The following RUFY4 variants were observed in gnomAD, a reference collection of about 807,000 sequenced individuals.
RUFY4 encodes RUN and FYVE domain containing 4.
A neutral mutation model predicts 69.0 loss-of-function variants in RUFY4; 73 were observed. The ratio of observed to expected loss-of-function variants is 1.06; its 90% confidence interval spans 0.88 to 1.29. The LOEUF is 1.29. Ranked by LOEUF, RUFY4 falls within the 50% of genes most tolerant of loss-of-function variation. RUFY4 has a pLI of 0.00. For synonymous variants in RUFY4, 287 were observed against 271.8 expected (o/e 1.06, Z -0.55); for missense variants, 770 against 705.6 (o/e 1.09, Z -1.03).
intron 2 of RUFY4, among the ~76,000 whole-genome samples, chr2:218,057,589 C>A (rs929421014): frequency 2.0e-5 from 3 of 148,184 alleles, no homozygotes; most frequent in Middle Eastern, 3.4e-3. Flanking sequence ...TTTAAGGATA[C>A]AATCCATTGT....
chr2:218,081,667 A>G (rs1011969913), intron 8 of RUFY4, among the ~76,000 whole-genome samples: 20 of 152,200 alleles, frequency 1.3e-4, no homozygotes, highest in Non-Finnish European at 2.2e-4. Context: ...GGGCAAGTAA[A>G]CTGGCTCAGG....
At chr2:218,047,923 T>C (rs145656295) in intron 2 of RUFY4, among the ~76,000 whole-genome samples, 1,675 of 152,326 alleles carry the variant, frequency 0.011, 12 homozygotes, top group Non-Finnish European at 0.017. Context: ...AAGTTCCCAG[T>C]TATAAATTTT....
At chr2:218,045,600 C>G (rs59113787) in intron 2 of RUFY4, among the ~76,000 whole-genome samples, 10,104 of 152,068 alleles carry the variant, frequency 0.066, 1,034 homozygotes, top group African/African-American at 0.22. Flanking sequence ...TTAGCCTCAT[C>G]TAATTAACTC....
intron 2 of RUFY4, among the ~76,000 whole-genome samples, chr2:218,071,289 C>A (rs574438637): frequency 6.6e-6 from 1 of 152,284 alleles, no homozygotes; most frequent in African/African-American, 2.4e-5. Context: ...TGTCCACCCC[C>A]CAACACCCCG....
upstream of RUFY4, among the ~76,000 whole-genome samples, chr2:218,066,182 T>C (rs866599080): frequency 7.0e-6 from 1 of 143,628 alleles, no homozygotes; most frequent in African/African-American, 2.6e-5. Flanking sequence ...CTTTTCTTTT[T>C]TTTTTTTTTT....
intron 3 of RUFY4, among the ~76,000 whole-genome samples, chr2:218,063,749 C>T (rs1259357351): frequency 6.6e-6 from 1 of 152,124 alleles, no homozygotes; most frequent in Non-Finnish European, 1.5e-5. Context: ...ATCAGGCTCT[C>T]GGTTCCCCAA....
chr2:218,089,880 T>C (rs1327483148), intron 10 of RUFY4, 72 bp from the exon 13 acceptor site: 1 of 1,007,920 alleles, frequency 9.9e-7, no homozygotes, highest in Non-Finnish European at 1.5e-6. Flanking sequence ...TGGAACTCCA[T>C]GACCTCAGCG....
chr2:218,039,220 A>G (rs534020500), intron 2 of RUFY4, among the ~76,000 whole-genome samples: 4 of 152,300 alleles, frequency 2.6e-5, no homozygotes, highest in African/African-American at 7.2e-5. Flanking sequence ...AATTGTAGGC[A>G]TCTGTGGCAT....
intron 5 of RUFY4, 127 bp from the exon 8 acceptor site, chr2:218,073,688 TG>T: frequency 2.0e-6 from 2 of 983,114 alleles, no homozygotes; most frequent in Non-Finnish European, 3.0e-6. Flanking sequence ...TGCATGAGGG[TG>T]GGTGGGCAGG....
chr2:218,036,323 T>G (rs1225994908), intron 2 of RUFY4, among the ~76,000 whole-genome samples: 1 of 152,182 alleles, frequency 6.6e-6, no homozygotes, highest in African/African-American at 2.4e-5. Flanking sequence ...AAGGAGGCTC[T>G]GCATCCTCCT....
At chr2:218,057,421 T>C (rs532216495) in intron 2 of RUFY4, among the ~76,000 whole-genome samples, 28 of 152,346 alleles carry the variant, frequency 1.8e-4, no homozygotes, top group Middle Eastern at 3.4e-3. Flanking sequence ...GGGTAAGCCA[T>C]TTATTACACA....
chr2:218,083,314 A>G (rs1288731583), intron 9 of RUFY4, 58 bp downstream of exon 11: 2 of 1,517,348 alleles, frequency 1.3e-6, no homozygotes, highest in Admixed American at 2.2e-5. Context: ...AGGGATGTGG[A>G]GCCCGGAGCG....
chr2:218,070,876 C>T lies in RUFY4; in HGVS notation c.153+17C>T. 6 of 1,520,400 alleles carry T rather than the reference C, an allele frequency of 3.9e-6. No individual in the cohort carries two copies. In the South Asian group the frequency reaches 7.3e-5, roughly 18 times the overall value. The allele number at this position is 1,520,400 out of a possible 1,614,324, so 94.2% of individuals were successfully genotyped here. A position where few individuals can be genotyped will look rare whatever the true frequency, so the allele number is the denominator to read the frequency against. On this transcript the variant is annotated intron_variant, in intron 2 of 10. Coordinates refer to ENST00000344321, the Ensembl canonical transcript of RUFY4. The stretch of plus-strand genomic sequence containing the variant: ...CTGCTGCAGGTGGGACCTTCTCCTC[C>T]CCTTCCCCATCCCTCTCCCCAGACC...
chr2:218,061,388 A>C, intron 3 of RUFY4: 1 of 216,756 alleles, frequency 4.6e-6, no homozygotes, highest in Admixed American at 5.2e-5. Context: ...CCCACATGTA[A>C]TTTTCCCAGC....
At chr2:218,084,179 G>T (rs548159236) in intron 9 of RUFY4, among the ~76,000 whole-genome samples, 1 of 152,110 alleles carries the variant, frequency 6.6e-6, no homozygotes, top group Admixed American at 6.5e-5. Flanking sequence ...GGAAACAGGA[G>T]ACCAGTGGAC....
chr2:218,061,180 G>A, intron 3 of RUFY4: 1 of 410,674 alleles, frequency 2.4e-6, no homozygotes. Context: ...CGGTGACAGT[G>A]GCTGACTCAG....
chr2:218,067,285 A>G (rs1222062801), upstream of RUFY4, among the ~76,000 whole-genome samples: 1 of 152,072 alleles, frequency 6.6e-6, no homozygotes. Context: ...ATCCATATAC[A>G]CACAGCACAC....
chr2:218,065,317 C>G (rs1203811174), upstream of RUFY4, among the ~76,000 whole-genome samples: 4 of 152,292 alleles, frequency 2.6e-5, no homozygotes, highest in South Asian at 8.3e-4. Flanking sequence ...GCTCATTAAC[C>G]ACCTTGATTG....
intron 9 of RUFY4, among the ~76,000 whole-genome samples, chr2:218,084,721 T>C (rs1689851398): frequency 6.6e-6 from 1 of 152,026 alleles, no homozygotes. Flanking sequence ...AAAAGACATA[T>C]ATATATGATT....
Sources: allele counts gnomAD v4.1 joint callset (sites outside exome capture counted in the v4.1 genomes callset), GRCh38; gene constraint gnomAD v4.1.1; transcripts MANE v1.5; gene names NCBI Gene and HGNC (gene_info 2026-07-23, HGNC 2026-07-21).